Variants in KLRG1 observed in about 807,000 individuals in gnomAD.
KLRG1 encodes the protein killer cell lectin like receptor G1.
In KLRG1, 16 loss-of-function variants were observed where a neutral mutation model predicts 21.8. The ratio of observed to expected loss-of-function variants is 0.73; its 90% CI spans 0.50 to 1.11. The LOEUF is 1.11. Among genes scored for constraint, KLRG1 ranks in the 50% most tolerant of loss-of-function variants. KLRG1 has a pLI of 0.00. For missense variants in KLRG1, 173 were observed against 218.3 expected (o/e 0.79, Z 1.31); for synonymous variants, 69 against 75.9 (o/e 0.91, Z 0.47).
At position 8,951,165 on chromosome 12, in the gene KLRG1, T is replaced by C. The variant is rs368664732; in HGVS notation, c.-156+929T>C. 8.1e-4 allele frequency among the ~76,000 whole-genome samples: 124 copies of C among 152,316 alleles called. 1 individual carries two copies. Among genetic ancestry groups the C allele is most frequent in the African/African-American group, 2.9e-3 (121 of 41,572 alleles). On this transcript the variant is annotated intron_variant, in intron 1 of 4. Transcript: ENST00000539240. ...TGTGTATTTCCTTCATGAATATATG[T>C]TGTTTCCTTTTTTCAAAAATGTATC...
chr12:8,966,237 A>G (rs780561123), intron 1 of KLRG1, among the ~76,000 whole-genome samples: 32 of 152,360 alleles, frequency 2.1e-4, no homozygotes, highest in African/African-American at 7.5e-4. Context: ...TAAAAACCCT[A>G]GGAGACAACC....
chr12:9,204,070 A>T, the KLRG1 span: 3 of 1,036,612 alleles, frequency 2.9e-6, no homozygotes, highest in Non-Finnish European at 4.2e-6. Flanking sequence ...TCTAAAAGTC[A>T]ATGGACTAAG....
the KLRG1 span, chr12:9,152,787 T>G: frequency 6.3e-7 from 1 of 1,591,586 alleles, no homozygotes. Flanking sequence ...AAGTTGCTTT[T>G]GGGCCAAAGA....
At chr12:9,203,698 A>G in the KLRG1 span, 1 of 1,556,288 alleles carries the variant, frequency 6.4e-7, no homozygotes, top group Non-Finnish European at 8.8e-7. Context: ...CCAGAGCTCC[A>G]TCACCATGAC....
the KLRG1 span, among the ~76,000 whole-genome samples, chr12:9,147,943 A>G: frequency 2.0e-5 from 3 of 151,746 alleles, no homozygotes; most frequent in East Asian, 5.8e-4. Flanking sequence ...CCCACACTAC[A>G]TTTATCCCTG....
intron 1 of KLRG1, among the ~76,000 whole-genome samples, chr12:8,955,652 G>A (rs757131839): frequency 1.3e-4 from 19 of 151,534 alleles, no homozygotes; most frequent in Admixed American, 3.3e-4. Context: ...TCAGCCTCCC[G>A]AAGTGCTGAG....
At chr12:8,992,185 G>T in intron 1 of KLRG1, 21 bp from the exon 2 acceptor site, 1 of 1,583,714 alleles carries the variant, frequency 6.3e-7, no homozygotes, top group Non-Finnish European at 8.6e-7. Flanking sequence ...TCAGGATTGT[G>T]CTTTGACTCT....
the KLRG1 span, chr12:9,162,721 C>A: frequency 3.9e-5 from 46 of 1,184,192 alleles, no homozygotes; most frequent in African/African-American, 6.7e-4. Context: ...GGATTCCTTT[C>A]TTTGATGGGT....
At chr12:9,190,253 GC>G in the KLRG1 span, among the ~76,000 whole-genome samples, 5 of 152,130 alleles carry the variant, frequency 3.3e-5, no homozygotes, top group South Asian at 1.0e-3. Flanking sequence ...CAACCTAAAT[GC>G]CCATCAGTGG....
chr12:9,110,055 A>G, the KLRG1 span: 2 of 1,591,046 alleles, frequency 1.3e-6, no homozygotes, highest in Non-Finnish European at 1.7e-6. Flanking sequence ...TAAATTAATT[A>G]TAACTTACAA....
the KLRG1 span, chr12:9,110,392 T>G: frequency 1.8e-6 from 2 of 1,137,224 alleles, no homozygotes; most frequent in Admixed American, 5.5e-5. Context: ...TTAAATCTCA[T>G]TTATAAGCAA....
intron 1 of KLRG1, chr12:8,990,355 T>C (rs1464489065): frequency 6.6e-6 from 1 of 152,138 alleles, no homozygotes; most frequent in East Asian, 1.9e-4. Context: ...GGTAATAGTG[T>C]AAATGCCAAA....
chr12:9,133,784 A>G, the KLRG1 span, among the ~76,000 whole-genome samples: 1 of 152,226 alleles, frequency 6.6e-6, no homozygotes, highest in Non-Finnish European at 1.5e-5. Flanking sequence ...GTATGAGGCA[A>G]GAGAATCACG....
At chr12:9,182,863 C>T in the KLRG1 span, among the ~76,000 whole-genome samples, 1 of 152,110 alleles carries the variant, frequency 6.6e-6, no homozygotes, top group Non-Finnish European at 1.5e-5. Context: ...TTCTGAGATG[C>T]CTGTACATAA....
chr12:9,135,570 C>T, the KLRG1 span: 1 of 340,804 alleles, frequency 2.9e-6, no homozygotes, highest in South Asian at 2.9e-5. Flanking sequence ...CTTCCAAAAA[C>T]TACAGTATGA....
the KLRG1 span, among the ~76,000 whole-genome samples, chr12:9,136,932 C>G: frequency 6.6e-6 from 1 of 152,044 alleles, no homozygotes; most frequent in Non-Finnish European, 1.5e-5. Flanking sequence ...GATAGCAACC[C>G]CTTGTCAGAC....
At chr12:9,077,442 C>T in the KLRG1 span, 541,540 of 1,598,340 alleles carry the variant, frequency 0.34, 96,063 homozygotes, top group African/African-American at 0.49. Context: ...AGAGAGAGAT[C>T]TGAATAATTC....
At chr12:9,141,555 C>T in the KLRG1 span, among the ~76,000 whole-genome samples, 1 of 152,174 alleles carries the variant, frequency 6.6e-6, no homozygotes, top group Non-Finnish European at 1.5e-5. Flanking sequence ...TCAACTTTAG[C>T]CAATATATTT....
chr12:9,083,395 AAGAAAT>A, the KLRG1 span, among the ~76,000 whole-genome samples: 1 of 151,888 alleles, frequency 6.6e-6, no homozygotes, highest in Admixed American at 6.6e-5. Context: ...ATAAAAAAAA[AAGAAAT>A]AGAAACAATT....
Sources: allele counts gnomAD v4.1 joint callset (sites outside exome capture counted in the v4.1 genomes callset), GRCh38; gene constraint gnomAD v4.1.1; transcripts MANE v1.5; gene names NCBI Gene and HGNC (gene_info 2026-07-23, HGNC 2026-07-21).